Variants in TCN2 observed in about 807,000 individuals in gnomAD.
TCN2 encodes transcobalamin-2.
In TCN2, 34 loss-of-function variants were observed where a neutral mutation model predicts 48.6. That is an observed-to-expected ratio of 0.70 (90% CI 0.53 to 0.93). The LOEUF (loss-of-function observed/expected upper bound fraction) is 0.93, where lower values mean the gene tolerates loss of function less well. TCN2 is among the 40% of genes least tolerant of loss of function. The probability of loss-of-function intolerance (pLI) is 0.00; values close to 1 mark genes in which losing one functional copy is unlikely to be tolerated. For synonymous variants in TCN2, 283 were observed against 212.5 expected (o/e 1.33, Z -2.89); for missense variants, 652 against 526.1 (o/e 1.24, Z -2.34).
At chr22:30,615,844 C>A in intron 6 of TCN2, 57 bp downstream of exon 6, 1 of 1,604,230 alleles carries the variant, frequency 6.2e-7, no homozygotes. Flanking sequence ...CACCCATTGA[C>A]GTCCCAGTGA....
At chr22:30,624,080 A>ATATATT (rs1384095160) in intron 8 of TCN2, among the ~76,000 whole-genome samples, 6 of 41,348 alleles carry the variant, frequency 1.5e-4, no homozygotes, top group African/African-American at 2.3e-4. Context: ...ATATATATAT[A>ATATATT]TTTTTTTTTT....
At chr22:30,614,285 T>C in intron 3 of TCN2, 64 bp from the exon 4 acceptor site, 1 of 1,596,192 alleles carries the variant, frequency 6.3e-7, no homozygotes, top group Non-Finnish European at 8.5e-7. Flanking sequence ...GGGTCCCAGG[T>C]GCTGGCGGGG....
rs868565459 is a variant in TCN2, at chr22:30,612,778, T to C, written c.258-95T>C. On this transcript the variant is annotated intron_variant, in intron 2 of 8. Transcript: ENST00000215838. ...TTATCAAAGTTTCCCACTGTTAAGATTTTTTCCCGCTTTGTGATGCGGGTG... is the reference window on the plus strand; with the variant it reads ...TTATCAAAGTTTCCCACTGTTAAGACTTTTTCCCGCTTTGTGATGCGGGTG... 87 of 1,532,098 alleles carry C rather than the reference T, an allele frequency of 5.7e-5. No homozygotes were observed. In the Middle Eastern group the frequency reaches 9.3e-4, roughly 16 times the overall value. The allele number at this position is 1,532,098 out of a possible 1,614,324, so 94.9% of individuals were successfully genotyped here. A position where few individuals can be genotyped will look rare whatever the true frequency, so the allele number is the denominator to read the frequency against.
chr22:30,626,928 A>C lies in TCN2; in HGVS notation c.*407A>C, dbSNP rs1354456071. 6.5e-6 allele frequency: 2 copies of C among 308,922 alleles called. No individual in the cohort carries two copies. The highest frequency in any genetic ancestry group is 4.3e-5 in the African/African-American group (2 of 46,722). 19.1% of individuals were successfully genotyped at this position (308,922 alleles called of 1,614,324 possible). A position where few individuals can be genotyped will look rare whatever the true frequency, so the allele number is the denominator to read the frequency against. On this transcript the variant is annotated 3_prime_UTR_variant, in exon 9 of 9. Coordinates refer to ENST00000215838, the MANE Select transcript of TCN2 (RefSeq NM_000355.4). ...CCTCAGCCCGGGGGCTATGGCCCTG[A>C]CCCCAGCTCTCCACTCTGCTGTTAG...
In TCN2 at chr22:30,611,079, C is replaced by A. The variant is rs369577877; in HGVS notation, c.257+16C>A. ...GCCTCCTAGGGTATTGCCACACTCT[C>A]TTTTTCCATGTCTTGCTCCACATAC... On this transcript the variant is annotated intron_variant, in intron 2 of 8. Coordinates refer to ENST00000215838, the MANE Select transcript of TCN2 (RefSeq NM_000355.4). 21 of 1,613,908 alleles carry A rather than the reference C, an allele frequency of 1.3e-5. No homozygotes were observed. Among genetic ancestry groups the A allele is most frequent in the Non-Finnish European group, 1.6e-5 (19 of 1,179,896 alleles).
intron 8 of TCN2, 129 bp downstream of exon 8, chr22:30,623,212 C>T: frequency 1.3e-6 from 1 of 795,094 alleles, no homozygotes; most frequent in South Asian, 1.5e-5. Context: ...CACTGATGCT[C>T]AAAGTTGGAT....
chr22:30,617,589 C>T (rs886681230), intron 7 of TCN2, 94 bp downstream of exon 7: 4 of 1,547,682 alleles, frequency 2.6e-6, no homozygotes, highest in Admixed American at 1.7e-5. Context: ...AGAGGGTTCC[C>T]TCGGGAGAGA....
Position 30,626,763 on chromosome 22 carries a change from C to T in TCN2, c.*242C>T. Reference sequence around the variant, plus strand: ...TCTGGCCAAGTCTGGCCAGCCTGGCCCTGCAGGTCTCCCATGAAGGCCACC... The same window carrying T: ...TCTGGCCAAGTCTGGCCAGCCTGGCTCTGCAGGTCTCCCATGAAGGCCACC... On this transcript the variant is annotated 3_prime_UTR_variant, in exon 9 of 9. Transcript: ENST00000215838. 1.7e-6 allele frequency: 1 copy of T among 595,730 alleles called. No individual in the cohort carries two copies. 36.9% of individuals were successfully genotyped at this position (595,730 alleles called of 1,614,324 possible).
chr22:30,607,830 C>T (rs2145530160), intron 1 of TCN2, among the ~76,000 whole-genome samples: 1 of 152,110 alleles, frequency 6.6e-6, no homozygotes, highest in South Asian at 2.1e-4. Flanking sequence ...AGTTCAAGGT[C>T]AGCCTGGGCA....
At chr22:30,613,524 T>C (rs2087570426) in intron 3 of TCN2, among the ~76,000 whole-genome samples, 1 of 152,070 alleles carries the variant, frequency 6.6e-6, no homozygotes, top group South Asian at 2.1e-4. Flanking sequence ...GGTGATCCGC[T>C]TGCCTTAGCC....
At chr22:30,619,952 G>A (rs1465568457) in intron 7 of TCN2, among the ~76,000 whole-genome samples, 1 of 152,076 alleles carries the variant, frequency 6.6e-6, no homozygotes, top group African/African-American at 2.4e-5. Context: ...CTAGGAGTTT[G>A]AGACCAGCCT....
intron 1 of TCN2, 81 bp downstream of exon 1, chr22:30,607,476 AC>A: frequency 6.6e-7 from 1 of 1,504,100 alleles, no homozygotes; most frequent in South Asian, 1.1e-5. Context: ...GAGGGAACTT[AC>A]CTGCCCTTCT....
intron 3 of TCN2, 137 bp from the exon 4 acceptor site, chr22:30,614,212 C>CT: frequency 8.5e-7 from 1 of 1,178,488 alleles, no homozygotes; most frequent in Non-Finnish European, 1.2e-6. Flanking sequence ...CACGTATGGG[C>CT]TGAGGCAATG....
intron 5 of TCN2, 34 bp from the exon 6 acceptor site, chr22:30,615,567 G>A (rs746442533): frequency 6.2e-7 from 1 of 1,613,934 alleles, no homozygotes; most frequent in Non-Finnish European, 8.5e-7. Context: ...CCTGCCGGCT[G>A]ACTTCCTCTC....
Position 30,611,408 on chromosome 22 carries a change from C to G in TCN2, c.257+345C>G, listed in dbSNP as rs993080666. On this transcript the variant is annotated intron_variant, in intron 2 of 8. Transcript: ENST00000215838. ...ATCACTAATCGATGACTGCAGTCTT[C>G]TACATTGAGCTTAGAAGCAGCATCT... is the stretch of plus-strand genomic sequence containing the variant. Among the ~76,000 whole-genome samples, 5 of 152,108 alleles carry G rather than the reference C, an allele frequency of 3.3e-5. No homozygotes were observed. The East Asian group carries it at 9.6e-4, about 29-fold the overall frequency.
intron 1 of TCN2, among the ~76,000 whole-genome samples, chr22:30,609,851 T>C (rs1289727244): frequency 6.6e-6 from 1 of 152,160 alleles, no homozygotes; most frequent in Non-Finnish European, 1.5e-5. Context: ...AACAGGTATC[T>C]GGGGCTGTCG....
chr22:30,617,050 G>A (rs2087621730), intron 6 of TCN2, among the ~76,000 whole-genome samples: 1 of 152,008 alleles, frequency 6.6e-6, no homozygotes, highest in African/African-American at 2.4e-5. Flanking sequence ...GAGGTGGGAG[G>A]AAGGATACTG....
intron 8 of TCN2, among the ~76,000 whole-genome samples, chr22:30,625,610 A>G (rs1353522563): frequency 6.6e-6 from 1 of 152,146 alleles, no homozygotes; most frequent in East Asian, 1.9e-4. Flanking sequence ...CCATAGGCCC[A>G]TGGCACAAAG....
At chr22:30,608,248 CCT>C (rs1217171940) in intron 1 of TCN2, among the ~76,000 whole-genome samples, 3 of 152,174 alleles carry the variant, frequency 2.0e-5, no homozygotes. Context: ...CTGGGGAAAC[CCT>C]GAGAGGTGGG....
Sources: allele counts gnomAD v4.1 joint callset (sites outside exome capture counted in the v4.1 genomes callset), GRCh38; gene constraint gnomAD v4.1.1; transcripts MANE v1.5; gene names NCBI Gene and HGNC (gene_info 2026-07-23, HGNC 2026-07-21).